The following ELAC2 variants were observed in gnomAD, a reference collection of about 807,000 sequenced individuals.
ELAC2 encodes zinc phosphodiesterase ELAC protein 2.
In ELAC2, 92 loss-of-function variants were observed where a neutral mutation model predicts 105.2. The ratio of observed to expected loss-of-function variants is 0.87; its 90% CI spans 0.74 to 1.04. ELAC2 has a LOEUF of 1.04. Ranked by LOEUF, ELAC2 falls within the 50% of genes least tolerant of loss-of-function variation. The probability of loss-of-function intolerance (pLI) is 0.00; values close to 1 mark genes in which losing one functional copy is unlikely to be tolerated. For missense variants in ELAC2, 1,099 were observed against 1,071.7 expected (o/e 1.03, Z -0.36); for synonymous variants, 468 against 409.1 (o/e 1.14, Z -1.74).
At chr17:13,012,325 C>T (rs914769090) in intron 6 of ELAC2, among the ~76,000 whole-genome samples, 6 of 152,140 alleles carry the variant, frequency 3.9e-5, no homozygotes, top group Admixed American at 6.5e-5. Flanking sequence ...TGCCATGGAG[C>T]GAAGAACAGG....
intron 4 of ELAC2, among the ~76,000 whole-genome samples, chr17:13,015,001 G>C (rs574147248): frequency 6.6e-6 from 1 of 152,230 alleles, no homozygotes; most frequent in Non-Finnish European, 1.5e-5. Context: ...TCAGCGATGG[G>C]TACAGATGGA....
intron 4 of ELAC2, 70 bp downstream of exon 4, chr17:13,015,698 A>G: frequency 1.4e-6 from 2 of 1,398,942 alleles, no homozygotes; most frequent in South Asian, 2.3e-5. Context: ...ATTTGCAAAA[A>G]GGAAAATTCT....
At chr17:13,003,411 G>C (rs998393107) in intron 12 of ELAC2, 68 bp downstream of exon 12, 1 of 1,412,532 alleles carries the variant, frequency 7.1e-7, no homozygotes, top group East Asian at 2.3e-5. Flanking sequence ...AGAGCACGAG[G>C]GGAGGAAAGG....
In ELAC2 at chr17:13,000,146, T is replaced by TC; in HGVS notation, c.1423+9dup. 4 of 1,611,422 alleles carry TC rather than the reference T, an allele frequency of 2.5e-6. No homozygotes were observed. Among genetic ancestry groups the TC allele is most frequent in the Non-Finnish European group, 3.4e-6 (4 of 1,178,640 alleles). On this transcript the variant is annotated intron_variant, in intron 15 of 23. Transcript: ENST00000338034. The stretch of plus-strand genomic sequence containing the variant: ...AGGAAAGAAAGGCTGCTCTGTGGGC[T>TC]CCCACTCACCTGCTGGGGCTGGGCC...
At chr17:13,004,726 T>C (rs1345669947) in intron 11 of ELAC2, among the ~76,000 whole-genome samples, 5 of 152,252 alleles carry the variant, frequency 3.3e-5, no homozygotes, top group Non-Finnish European at 7.3e-5. Context: ...GAATTTCTTC[T>C]GGTATAAGAG....
Position 12,992,524 on chromosome 17 carries a change from G to A in ELAC2, c.*294C>T, listed in dbSNP as rs1330879872. The A allele has an allele frequency of 8.3e-6, 4 of 484,308 alleles. No homozygotes were observed. Among genetic ancestry groups the A allele is most frequent in the South Asian group, 2.4e-5 (1 of 41,628 alleles). 30.0% of individuals were successfully genotyped at this position (484,308 alleles called of 1,614,324 possible). On this transcript the variant is annotated 3_prime_UTR_variant, in exon 24 of 24. Transcript: ENST00000338034. The stretch of plus-strand genomic sequence containing the variant: ...TTTGCTGGATTAGAGGAAAGGTGCC[G>A]CCGTCTGTTTCCAAGACTTCTTTAA...
chr17:12,995,634 C>T (rs2143560826), intron 19 of ELAC2, 69 bp downstream of exon 19: 3 of 1,456,752 alleles, frequency 2.1e-6, no homozygotes, highest in Non-Finnish European at 2.8e-6. Flanking sequence ...CCCCAGTGTC[C>T]ACCTTGAGCT....
At chr17:12,999,321 C>A (rs1429046294) in intron 15 of ELAC2, among the ~76,000 whole-genome samples, 1 of 152,228 alleles carries the variant, frequency 6.6e-6, no homozygotes, top group Non-Finnish European at 1.5e-5. Flanking sequence ...ATCCTCCCAG[C>A]CCTACCAGGT....
intron 14 of ELAC2, among the ~76,000 whole-genome samples, chr17:13,001,230 C>T (rs1315723919): frequency 3.9e-5 from 6 of 152,332 alleles, no homozygotes; most frequent in East Asian, 1.9e-4. Flanking sequence ...GCACGGCTCA[C>T]GCCTGTAATC....
At chr17:13,013,665 G>A (rs1035319451) in intron 5 of ELAC2, among the ~76,000 whole-genome samples, 5 of 152,114 alleles carry the variant, frequency 3.3e-5, no homozygotes, top group Non-Finnish European at 7.4e-5. Context: ...TATAAAAGAG[G>A]AGTATTAACA....
At chr17:12,998,546 G>A (rs1194804645) in intron 15 of ELAC2, 38 bp from the exon 16 acceptor site, 2 of 1,574,564 alleles carry the variant, frequency 1.3e-6, no homozygotes, top group Non-Finnish European at 1.7e-6. Flanking sequence ...CATTCCTTTG[G>A]GTCAAAAGTG....
At chr17:13,013,402 A>G in intron 5 of ELAC2, 127 bp from the exon 6 acceptor site, 1 of 1,012,474 alleles carries the variant, frequency 9.9e-7, no homozygotes, top group Non-Finnish European at 1.5e-6. Flanking sequence ...TGACACGAAA[A>G]CCAGACTTTC....
chr17:13,014,473 T>A lies in ELAC2; in HGVS notation c.456A>T (p.Lys152Asn). The change falls in exon 5 of 24, where the codon AAA becomes AAT. Residue 152 changes from lysine to asparagine, a missense_variant. Transcript: ENST00000338034. ...TTCCTTTCAATGGACCAGAAAATAT[T>A]TTGATTGCTTCGAGGTATTTTTCCT... is the stretch of plus-strand genomic sequence containing the variant. ...PQLEKYLEAI[K>N]IFSGPLKGIE... The A allele has an allele frequency of 6.2e-7, 1 of 1,613,788 alleles. No homozygotes were observed. Among genetic ancestry groups the A allele is most frequent in the Non-Finnish European group, 8.5e-7 (1 of 1,179,752 alleles).
Position 12,992,985 on chromosome 17 carries a change from C to A in ELAC2, c.2314G>T (p.Ala772Ser). 3.1e-6 allele frequency: 5 copies of A among 1,610,140 alleles called. No individual in the cohort carries two copies. Among genetic ancestry groups the A allele is most frequent in the Non-Finnish European group, 4.2e-6 (5 of 1,180,024 alleles). ...TCCTCCATCTCCTCGATGTCGCCAG[C>A]AAACAGGGCTTTCAGTGGGGGAATC... ...KLIPPLKALF[A>S]GDIEEMEERR... Residue 772 changes from alanine (A) to serine (S), a missense_variant, in exon 24 of 24, where the codon GCT (alanine) becomes TCT (serine). Ala to Ser is a moderately conservative substitution (Grantham distance 99, BLOSUM62 1). Coordinates refer to ENST00000338034, the MANE Select transcript of ELAC2 (RefSeq NM_018127.7).
chr17:12,995,787 G>T lies in ELAC2; in HGVS notation c.1724C>A (p.Pro575His). 6.2e-7 allele frequency: 1 copy of T among 1,612,292 alleles called. No individual in the cohort carries two copies. The change falls in exon 19 of 24, where the codon CCT becomes CAT. Residue 575 changes from proline (P) to histidine (H), a missense_variant. Physicochemically the swap from Pro to His is moderately conservative, Grantham distance 77. Transcript: ENST00000338034. ...CTGGTTGGGGGCAACCACCAGCAAAGGGTGAAGCGGCTTTCCCAAAGATGC... is the reference window on the plus strand; with the variant it reads ...CTGGTTGGGGGCAACCACCAGCAAATGGTGAAGCGGCTTTCCCAAAGATGC... ...ALASLGKPLH[P>H]LLVVAPNQLK...
intron 16 of ELAC2, 72 bp downstream of exon 16, chr17:12,998,340 G>T: frequency 7.1e-7 from 1 of 1,418,358 alleles, no homozygotes; most frequent in East Asian, 2.3e-5. Context: ...CGACTGGTGA[G>T]TACAGCAGGA....
At chr17:12,999,546 C>T (rs2040651591) in intron 15 of ELAC2, among the ~76,000 whole-genome samples, 1 of 152,252 alleles carries the variant, frequency 6.6e-6, no homozygotes, top group African/African-American at 2.4e-5. Context: ...CAAGTCCCTG[C>T]TCAGAGCTCT....
chr17:12,995,555 C>T (rs1430401205), intron 19 of ELAC2, 148 bp downstream of exon 19: 2 of 749,294 alleles, frequency 2.7e-6, no homozygotes, highest in Admixed American at 2.1e-5. Context: ...TCAGCCAATG[C>T]ACTTCTCCCC....
chr17:12,994,827 T>C lies in ELAC2; in HGVS notation c.1966A>G (p.Thr656Ala). The change falls in exon 21 of 24, where the codon ACC (threonine) becomes GCC (alanine). Residue 656 changes from threonine to alanine, a missense_variant. Thr to Ala is a moderately conservative substitution (Grantham distance 58). Transcript: ENST00000338034. ...KHAFGCALVH[T>A]SGWKVVYSGD... ...GAATAGACCACTTTCCAGCCAGAGG[T>C]GTGCACCAGCGCACAGCCAAACGCA... 6.2e-7 allele frequency: 1 copy of C among 1,613,954 alleles called. No homozygotes were observed. Among genetic ancestry groups the C allele is most frequent in the Non-Finnish European group, 8.5e-7 (1 of 1,180,024 alleles).
Sources: allele counts gnomAD v4.1 joint callset (sites outside exome capture counted in the v4.1 genomes callset), GRCh38; gene constraint gnomAD v4.1.1; transcripts MANE v1.5; gene names NCBI Gene and HGNC (gene_info 2026-07-23, HGNC 2026-07-21).